BANK1: variants seen among roughly 807,000 people sequenced by gnomAD.
BANK1 encodes B-cell scaffold protein with ankyrin repeats.
A neutral mutation model predicts 94.5 loss-of-function variants in BANK1; 95 were observed. That is an observed-to-expected ratio of 1.00 (90% CI 0.85 to 1.19). The LOEUF is 1.19. BANK1 is among the 50% of genes most tolerant of loss of function. BANK1 has a pLI of 0.00. For missense variants in BANK1, 987 were observed against 932.2 expected, an observed-to-expected ratio of 1.06 and a Z score of -0.77; for synonymous variants, 334 against 308.4, an observed-to-expected ratio of 1.08 and a Z score of -0.87.
intron 10 of BANK1, among the ~76,000 whole-genome samples, chr4:102,041,942 A>G (rs1372340434): frequency 2.6e-5 from 4 of 152,056 alleles, no homozygotes; most frequent in African/African-American, 9.7e-5. Context: ...AGCTGGAAAA[A>G]TAATTTCATT....
At chr4:101,803,969 G>T (rs1725451000) in intron 1 of BANK1, among the ~76,000 whole-genome samples, 1 of 107,554 alleles carries the variant, frequency 9.3e-6, no homozygotes, top group African/African-American at 3.7e-5. Context: ...CTGCACTCCA[G>T]CCTGGGCGAC....
At chr4:102,006,823 G>T (rs1726276043) in intron 7 of BANK1, among the ~76,000 whole-genome samples, 1 of 150,848 alleles carries the variant, frequency 6.6e-6, no homozygotes, top group South Asian at 2.1e-4. Context: ...TGTTTAGCTA[G>T]TGCAGTTCTG....
intron 7 of BANK1, among the ~76,000 whole-genome samples, chr4:101,981,336 C>A (rs1043354328): frequency 6.6e-6 from 1 of 151,972 alleles, no homozygotes; most frequent in Non-Finnish European, 1.5e-5. Context: ...GAGGAATATT[C>A]TTTTTCTCTT....
chr4:101,928,017 G>A (rs1190974331), intron 7 of BANK1, among the ~76,000 whole-genome samples: 7 of 151,640 alleles, frequency 4.6e-5, no homozygotes, highest in Non-Finnish European at 1.0e-4. Context: ...AGATAGGACA[G>A]ATAATCAAAT....
intron 1 of BANK1, among the ~76,000 whole-genome samples, chr4:101,821,064 C>T (rs1726125374): frequency 6.6e-6 from 1 of 152,210 alleles, no homozygotes; most frequent in South Asian, 2.1e-4. Context: ...TACATTCCCA[C>T]CAACACTGTA....
chr4:101,842,587 C>A (rs1578350597), intron 2 of BANK1, among the ~76,000 whole-genome samples: 1 of 152,268 alleles, frequency 6.6e-6, no homozygotes, highest in Non-Finnish European at 1.5e-5. Flanking sequence ...TTTGGTTTGA[C>A]TTTGAAAAAA....
chr4:102,046,513 A>G (rs901886532), intron 11 of BANK1, among the ~76,000 whole-genome samples: 2 of 152,100 alleles, frequency 1.3e-5, no homozygotes, highest in African/African-American at 2.4e-5. Flanking sequence ...ATAGACCTAT[A>G]AGGGAAGCCT....
chr4:101,804,329 G>A (rs1725476809), intron 1 of BANK1, among the ~76,000 whole-genome samples: 1 of 152,150 alleles, frequency 6.6e-6, no homozygotes, highest in African/African-American at 2.4e-5. Context: ...TCAAGTGTTG[G>A]GAGTATCTGC....
At chr4:101,794,045 T>C (rs943402922) in intron 1 of BANK1, among the ~76,000 whole-genome samples, 43 of 152,064 alleles carry the variant, frequency 2.8e-4, no homozygotes, top group African/African-American at 1.0e-3. Flanking sequence ...CTTGGGGATA[T>C]ATTGTGGTTA....
chr4:102,066,549 G>T (rs952543401), intron 13 of BANK1, among the ~76,000 whole-genome samples: 1 of 151,932 alleles, frequency 6.6e-6, no homozygotes, highest in Non-Finnish European at 1.5e-5. Context: ...GAGCCAATGC[G>T]ACCAGCCAAT....
At chr4:101,797,353 C>T (rs1188831104) in intron 1 of BANK1, among the ~76,000 whole-genome samples, 3 of 152,088 alleles carry the variant, frequency 2.0e-5, no homozygotes, top group Non-Finnish European at 4.4e-5. Flanking sequence ...AACCTAATTG[C>T]ATAAATTTGT....
intron 5 of BANK1, among the ~76,000 whole-genome samples, chr4:101,888,926 A>T: frequency 6.6e-6 from 1 of 152,150 alleles, no homozygotes; most frequent in African/African-American, 2.4e-5. Flanking sequence ...TCTCGATGCC[A>T]TTTTGCTCAG....
rs560144440 is a variant in BANK1, at chr4:101,912,207, G to A, written c.1010-5786G>A. On this transcript the variant is annotated intron_variant, in intron 6 of 16. Coordinates refer to ENST00000322953, the MANE Select transcript of BANK1 (RefSeq NM_017935.5). ...TTCTTTGAAATTCTAGAGAGGTTCA[G>A]AAACCACTGTATACCACACTCTATT... Among the ~76,000 whole-genome samples the A allele has an allele frequency of 1.6e-3, 238 of 152,188 alleles. 3 individuals carry two copies. The highest frequency in any genetic ancestry group is 1.5e-3 in the Non-Finnish European group (105 of 67,992).
Position 102,025,321 on chromosome 4 carries a change from AAC to A in BANK1, c.1410_1411del (p.His470GlnfsTer8), listed in dbSNP as rs779167899. The A allele has an allele frequency of 6.2e-7, 1 of 1,614,152 alleles. No individual in the cohort carries two copies. The highest frequency in any genetic ancestry group is 8.5e-7 in the Non-Finnish European group (1 of 1,180,022). On this transcript the variant is annotated frameshift_variant, in exon 9 of 17. Coordinates refer to ENST00000322953, the MANE Select transcript of BANK1 (RefSeq NM_017935.5). LOFTEE classifies it high-confidence loss of function. The stretch of plus-strand genomic sequence containing the variant: ...CAGAATGGATCAGGCATGGAGACCA[AAC>A]ACAGCCCACTAGAGGTTGGCAGTGA...
intron 6 of BANK1, among the ~76,000 whole-genome samples, chr4:101,895,906 T>C (rs1455355210): frequency 6.6e-6 from 1 of 151,848 alleles, no homozygotes. Flanking sequence ...TGTGATCATC[T>C]GTTTAAAAAA....
At chr4:101,935,419 A>G (rs1421020171) in intron 7 of BANK1, among the ~76,000 whole-genome samples, 1 of 151,578 alleles carries the variant, frequency 6.6e-6, no homozygotes, top group Non-Finnish European at 1.5e-5. Context: ...GGGACTACTC[A>G]TTAGTTAAGT....
intron 7 of BANK1, among the ~76,000 whole-genome samples, chr4:101,984,486 C>A (rs1725421207): frequency 6.6e-6 from 1 of 152,074 alleles, no homozygotes; most frequent in Non-Finnish European, 1.5e-5. Flanking sequence ...TTACCATTGA[C>A]CTCTCAGAAT....
Position 102,002,160 on chromosome 4 carries a change from T to C in BANK1, c.1207-19354T>C, listed in dbSNP as rs142341228. 4.0e-4 allele frequency among the ~76,000 whole-genome samples: 61 copies of C among 152,336 alleles called. 1 individual carries two copies. The highest frequency in any genetic ancestry group is 6.8e-3 in the Middle Eastern group (2 of 294). ...ACGACTGCTCCTCCTATATGTACCA[T>C]CTTATCCTGCTGTCTTGTCTGTTTC... On this transcript the variant is annotated intron_variant, in intron 7 of 16. Transcript: ENST00000322953.
intron 4 of BANK1, among the ~76,000 whole-genome samples, chr4:101,863,882 A>C (rs1459004136): frequency 1.3e-5 from 2 of 152,158 alleles, no homozygotes; most frequent in African/African-American, 4.8e-5. Flanking sequence ...CAATATTGCA[A>C]ATTAAGAAGC....
Sources: allele counts gnomAD v4.1 joint callset (sites outside exome capture counted in the v4.1 genomes callset), GRCh38; gene constraint gnomAD v4.1.1; transcripts MANE v1.5; gene names NCBI Gene and HGNC (gene_info 2026-07-23, HGNC 2026-07-21).